Variants in SULF2 observed in about 807,000 individuals in gnomAD.
SULF2 encodes sulfatase 2, also known as extracellular sulfatase Sulf-2.
Under a neutral mutation model 107.7 loss-of-function variants are expected in SULF2, and 52 were observed. That is an observed-to-expected ratio of 0.48 (90% CI 0.39 to 0.61). The LOEUF (loss-of-function observed/expected upper bound fraction) is 0.61, where lower values mean the gene tolerates loss of function less well. Ranked by LOEUF, SULF2 falls within the 20% of genes least tolerant of loss-of-function variation. The pLI, the probability that SULF2 is intolerant of heterozygous loss-of-function variation, is 0.00. For synonymous variants in SULF2, 460 were observed against 464.3 expected (o/e 0.99, Z 0.12); for missense variants, 993 against 1,177.3 (o/e 0.84, Z 2.29).
At chr20:47,771,513 G>A (rs1000361912) in intron 1 of SULF2, among the ~76,000 whole-genome samples, 4 of 152,150 alleles carry the variant, frequency 2.6e-5, no homozygotes, top group Admixed American at 6.5e-5. Context: ...CCTCGTTTGG[G>A]GAAAAAGGCC....
intron 4 of SULF2, among the ~76,000 whole-genome samples, chr20:47,699,430 T>C (rs934269289): frequency 2.0e-5 from 3 of 151,434 alleles, no homozygotes; most frequent in African/African-American, 7.3e-5. Context: ...GAGCACTACA[T>C]AGTAGGTGCT....
At chr20:47,712,914 C>T (rs554133958) in intron 3 of SULF2, among the ~76,000 whole-genome samples, 5 of 152,176 alleles carry the variant, frequency 3.3e-5, no homozygotes, top group East Asian at 1.9e-4. Flanking sequence ...GCACGCCTGT[C>T]GTTCCAGCTA....
At chr20:47,700,771 G>A (rs939140195) in intron 4 of SULF2, among the ~76,000 whole-genome samples, 2 of 150,096 alleles carry the variant, frequency 1.3e-5, no homozygotes, top group East Asian at 2.0e-4. Flanking sequence ...TCAGCCTCCC[G>A]AGTAACTGGG....
intron 3 of SULF2, among the ~76,000 whole-genome samples, chr20:47,731,981 A>G (rs951807063): frequency 1.3e-5 from 2 of 152,246 alleles, no homozygotes; most frequent in African/African-American, 4.8e-5. Flanking sequence ...CATGACATTC[A>G]TCAGAACACT....
chr20:47,673,097 G>A (rs1313882591), intron 10 of SULF2, among the ~76,000 whole-genome samples: 3 of 152,282 alleles, frequency 2.0e-5, no homozygotes, highest in South Asian at 2.1e-4. Context: ...CAAATCTCTC[G>A]TGTTGATCCT....
chr20:47,735,580 T>A (rs1002138806), intron 3 of SULF2, among the ~76,000 whole-genome samples: 1 of 152,186 alleles, frequency 6.6e-6, no homozygotes, highest in Non-Finnish European at 1.5e-5. Flanking sequence ...TTCTGACACA[T>A]GTGGCTTTCT....
In SULF2 at chr20:47,713,286, C is replaced by T. The variant is rs140521794; in HGVS notation, c.416-10616G>A. Among the ~76,000 whole-genome samples the T allele has an allele frequency of 1.6e-3, 244 of 152,208 alleles. 5 individuals carry two copies. In the East Asian group the frequency reaches 0.041, roughly 25 times the overall value. ...GGGGGAATGTGCTACAGGCATCTAT[C>T]GGGCAGAGGCCAGGGATGCTGCTGA... is the stretch of plus-strand genomic sequence containing the variant. On this transcript the variant is annotated intron_variant, in intron 3 of 20. Transcript: ENST00000688720.
chr20:47,666,362 G>C lies in SULF2; in HGVS notation c.1703C>G (p.Pro568Arg). 1 of 1,614,208 alleles carries C rather than the reference G, an allele frequency of 6.2e-7. No individual in the cohort carries two copies. Among genetic ancestry groups the C allele is most frequent in the East Asian group, 2.2e-5 (1 of 44,888 alleles). Residue 568 changes from proline (P) to arginine (R), a missense_variant, in exon 12 of 21, where the codon CCA becomes CGA. Around this residue, in one of 3 missense-constraint regions of SULF2, gnomAD observed 497 missense variants for 544.1 expected, o/e 0.91. Transcript: ENST00000688720. The surrounding 1 kb of genome is among the most constrained non-coding windows in gnomAD (Gnocchi z 5.4). ...QPRNLTKRHWPGAPEDQDDKD... is the reference protein window; with the variant it reads ...QPRNLTKRHWRGAPEDQDDKD... The stretch of plus-strand genomic sequence containing the variant: ...GTCATCTTGGTCCTCAGGGGCCCCT[G>C]GCCAGTGCCGCTTGGTGAGGTTTCG...
Position 47,777,074 on chromosome 20 carries a change from G to C in SULF2, c.-101+8269C>G, listed in dbSNP as rs146113739. On this transcript the variant is annotated intron_variant, in intron 1 of 20. Coordinates refer to ENST00000688720, the MANE Select transcript of SULF2 (RefSeq NM_001387048.1). Reference sequence around the variant, plus strand: ...GACAGACAATGTCCCTACAAGCACAGAGCTTGCTTTTTAGTGAGGAGAGAG... The same window carrying C: ...GACAGACAATGTCCCTACAAGCACACAGCTTGCTTTTTAGTGAGGAGAGAG... 1.1e-4 allele frequency among the ~76,000 whole-genome samples: 17 copies of C among 152,338 alleles called. No individual in the cohort carries two copies. The East Asian group carries it at 3.3e-3, about 29-fold the overall frequency.
At chr20:47,769,704 G>A (rs1285013842) in intron 1 of SULF2, among the ~76,000 whole-genome samples, 1 of 152,150 alleles carries the variant, frequency 6.6e-6, no homozygotes. Flanking sequence ...AATCCTTCAT[G>A]GATCAGACAC....
intron 1 of SULF2, among the ~76,000 whole-genome samples, chr20:47,765,161 G>C (rs534976500): frequency 2.6e-5 from 4 of 151,894 alleles, no homozygotes; most frequent in South Asian, 2.1e-4. Flanking sequence ...ACCATCCTGG[G>C]TAACACGGTG....
At chr20:47,698,335 T>G (rs749219237) in intron 4 of SULF2, among the ~76,000 whole-genome samples, 1 of 152,196 alleles carries the variant, frequency 6.6e-6, no homozygotes, top group African/African-American at 2.4e-5. Context: ...TGACTTATAG[T>G]CCAGGGAACC....
At chr20:47,730,389 T>C (rs1001693305) in intron 3 of SULF2, among the ~76,000 whole-genome samples, 1 of 152,138 alleles carries the variant, frequency 6.6e-6, no homozygotes, top group Non-Finnish European at 1.5e-5. Context: ...ATTATCCCAA[T>C]GGGGAGAAAA....
intron 1 of SULF2, among the ~76,000 whole-genome samples, chr20:47,776,661 C>A (rs2090731093): frequency 1.3e-5 from 2 of 152,190 alleles, no homozygotes. Context: ...CACCACTGAC[C>A]TGGAAGACTA....
In SULF2 at chr20:47,768,850, A is replaced by T. The variant is rs184931106; in HGVS notation, c.-100-11387T>A. ...ATCATAACTTGTGATTCCTCTATTTACTCTCTGGCCTGAGTTTGTGTTTGT... is the reference window on the plus strand; with the variant it reads ...ATCATAACTTGTGATTCCTCTATTTTCTCTCTGGCCTGAGTTTGTGTTTGT... On this transcript the variant is annotated intron_variant, in intron 1 of 20. Coordinates refer to ENST00000688720, the MANE Select transcript of SULF2 (RefSeq NM_001387048.1). Among the ~76,000 whole-genome samples the T allele has an allele frequency of 5.8e-4, 75 of 128,924 alleles. 1 individual carries two copies. The highest frequency in any genetic ancestry group is 3.8e-3 in the Admixed American group (49 of 12,832). 84.6% of individuals were successfully genotyped at this position (128,924 alleles called of 152,430 possible).
intron 3 of SULF2, among the ~76,000 whole-genome samples, chr20:47,704,664 G>C (rs4810660): frequency 0.86 from 131,412 of 152,312 alleles, 57,159 homozygotes; most frequent in African/African-American, 0.97. Flanking sequence ...TATTCTAGTC[G>C]TCTCTTTCTA....
At chr20:47,784,693 G>A (rs916005534) in intron 1 of SULF2, among the ~76,000 whole-genome samples, 3 of 152,306 alleles carry the variant, frequency 2.0e-5, no homozygotes, top group South Asian at 2.1e-4. Context: ...TAGAACGAAT[G>A]AACGAACTAC....
intron 1 of SULF2, among the ~76,000 whole-genome samples, chr20:47,764,982 T>A (rs1454561772): frequency 2.0e-5 from 3 of 152,068 alleles, no homozygotes; most frequent in African/African-American, 7.2e-5. Flanking sequence ...CTGCCCAGTG[T>A]CGTGCAGCAT....
chr20:47,659,689 C>G lies in SULF2; in HGVS notation c.2528+8G>C. The stretch of plus-strand genomic sequence containing the variant: ...CTTTGTTTAGGCTTTAATAATAAAA[C>G]GAAATACCTGTATTGCTCATAGCTT... On this transcript the variant is annotated splice_region_variant and intron_variant, in intron 19 of 20. Coordinates refer to ENST00000688720, the MANE Select transcript of SULF2 (RefSeq NM_001387048.1). 6.2e-7 allele frequency: 1 copy of G among 1,610,196 alleles called. No individual in the cohort carries two copies. Among genetic ancestry groups the G allele is most frequent in the Non-Finnish European group, 8.5e-7 (1 of 1,176,912 alleles).
Sources: gnomAD v4.1 joint callset for allele counts (sites outside exome capture counted in the v4.1 genomes callset) on GRCh38, gnomAD v4.1.1 for gene constraint, gnomAD v4.1.1 regional missense constraint, Gnocchi (gnomAD v3.1) non-coding constraint, MANE v1.5 for transcripts, NCBI Gene and HGNC (gene_info 2026-07-23, HGNC 2026-07-21) for gene names.